Variants in MAP3K9 observed in about 807,000 individuals in gnomAD.
MAP3K9 encodes the protein mitogen-activated protein kinase kinase kinase 9.
MAP3K9 carries 46 observed loss-of-function variants against 95.8 expected under a neutral mutation model. The observed-to-expected ratio is 0.48, with a 90% CI of 0.38 to 0.61. The LOEUF (loss-of-function observed/expected upper bound fraction) is 0.61, where lower values mean the gene tolerates loss of function less well. Among genes scored for constraint, MAP3K9 ranks in the 20% least tolerant of loss-of-function variants. The pLI is 0.00. For synonymous variants in MAP3K9, 533 were observed against 593.8 expected, an observed-to-expected ratio of 0.90 and a Z score of 1.49; for missense variants, 1,296 against 1,474.3, an observed-to-expected ratio of 0.88 and a Z score of 1.98.
intron 2 of MAP3K9, among the ~76,000 whole-genome samples, chr14:70,772,927 G>A (rs2054550573): frequency 6.6e-6 from 1 of 152,082 alleles, no homozygotes; most frequent in South Asian, 2.1e-4. Context: ...ATTTCATTCA[G>A]CCCAGGCCTG....
intron 2 of MAP3K9, among the ~76,000 whole-genome samples, chr14:70,785,427 A>T (rs528486686): frequency 2.0e-5 from 3 of 152,332 alleles, no homozygotes; most frequent in African/African-American, 7.2e-5. Flanking sequence ...TAAGAGATTA[A>T]CACTAACAAT....
rs2054925263 is a variant in MAP3K9, at chr14:70,801,106, C to A, written c.407-26G>T. 12 of 1,586,224 alleles carry A rather than the reference C, an allele frequency of 7.6e-6. No homozygotes were observed. In the East Asian group the frequency reaches 2.5e-4, roughly 33 times the overall value. ...CTGAGAAAGGGAAGAAAAAAAGAAG[C>A]AAGTCAAAAACATCTTGAAAACATC... On this transcript the variant is annotated intron_variant, in intron 1 of 11. Coordinates refer to ENST00000554752, the MANE Select transcript of MAP3K9 (RefSeq NM_001284230.2).
At chr14:70,746,369 G>A (rs8011507) in intron 5 of MAP3K9, among the ~76,000 whole-genome samples, 132,928 of 152,254 alleles carry the variant, frequency 0.87, 58,101 homozygotes, top group Middle Eastern at 0.93. Context: ...AGGACCCTTA[G>A]ACATGTTGAA....
chr14:70,807,785 T>C (rs1047587262), intron 1 of MAP3K9, among the ~76,000 whole-genome samples: 1 of 152,028 alleles, frequency 6.6e-6, no homozygotes, highest in Non-Finnish European at 1.5e-5. Context: ...TGAAATAAAC[T>C]AGTATGATTA....
chr14:70,755,673 G>A (rs539756336), intron 3 of MAP3K9, among the ~76,000 whole-genome samples: 2 of 152,342 alleles, frequency 1.3e-5, no homozygotes, highest in South Asian at 4.1e-4. Flanking sequence ...GAGACCATTT[G>A]GAGCTACTTA....
intron 3 of MAP3K9, chr14:70,752,939 TG>T (rs2054250079): frequency 1.3e-5 from 2 of 152,380 alleles, no homozygotes; most frequent in South Asian, 4.1e-4. Context: ...TGCTCTTACC[TG>T]GCTTGTTTCT....
chr14:70,782,250 A>G (rs1566759654), intron 2 of MAP3K9, among the ~76,000 whole-genome samples: 1 of 152,224 alleles, frequency 6.6e-6, no homozygotes. Context: ...TGTTATGTAT[A>G]TAATAAATTG....
chr14:70,781,855 A>C (rs2054680856), intron 2 of MAP3K9, among the ~76,000 whole-genome samples: 1 of 152,178 alleles, frequency 6.6e-6, no homozygotes, highest in African/African-American at 2.4e-5. Flanking sequence ...ACTTAGAAAG[A>C]GGAGCTGTTT....
intron 11 of MAP3K9, among the ~76,000 whole-genome samples, chr14:70,731,936 T>C (rs2053909539): frequency 6.6e-6 from 1 of 151,594 alleles, no homozygotes; most frequent in Non-Finnish European, 1.5e-5. Context: ...AAAGAGTGTG[T>C]GTCCCCAGGT....
chr14:70,808,895 C>A lies in MAP3K9; in HGVS notation c.277G>T (p.Gly93Cys). 1 of 1,597,940 alleles carries A rather than the reference C, an allele frequency of 6.3e-7. No individual in the cohort carries two copies. Among genetic ancestry groups the A allele is most frequent in the Non-Finnish European group, 8.5e-7 (1 of 1,175,530 alleles). ...TGGTTCAGCTGCCCGGTCCACCAGC[C>A]CTCGTCGCCGGACACCTGCGAGTCC... ...SKDSQVSGDE[G>C]WWTGQLNQRV... The change falls in exon 1 of 12, where the codon GGC (glycine) becomes TGC (cysteine). Residue 93 changes from glycine to cysteine, a missense_variant. Coordinates refer to ENST00000554752, the MANE Select transcript of MAP3K9 (RefSeq NM_001284230.2).
chr14:70,803,291 T>C (rs1202909923), intron 1 of MAP3K9, among the ~76,000 whole-genome samples: 1 of 131,060 alleles, frequency 7.6e-6, no homozygotes. Flanking sequence ...AATGCAGGAA[T>C]GGACTAACAC....
chr14:70,761,049 G>C lies in MAP3K9; in HGVS notation c.954C>G (p.Pro318=). ...AAAACATGGAGGCCCGGATGACTTC[G>C]GGTGCCATCCAAGCATACGTCCCTG... The part of the protein sequence containing the change: ...SAAGTYAWMA[P]EVIRASMFSK... The change falls in exon 3 of 12, where the codon CCC becomes CCG. Residue 318 remains proline, a synonymous_variant. Coordinates refer to ENST00000554752, the MANE Select transcript of MAP3K9 (RefSeq NM_001284230.2). 6.2e-7 allele frequency: 1 copy of C among 1,613,830 alleles called. No homozygotes were observed. The highest frequency in any genetic ancestry group is 2.2e-5 in the East Asian group (1 of 44,880).
At chr14:70,752,340 C>T (rs1365111474) in intron 3 of MAP3K9, among the ~76,000 whole-genome samples, 2 of 152,190 alleles carry the variant, frequency 1.3e-5, no homozygotes, top group Admixed American at 1.3e-4. Context: ...GGACCTAGCC[C>T]AAGCTCTGGT....
At chr14:70,747,260 T>C (rs927399877) in intron 5 of MAP3K9, among the ~76,000 whole-genome samples, 12 of 152,192 alleles carry the variant, frequency 7.9e-5, no homozygotes, top group African/African-American at 2.4e-4. Flanking sequence ...GTGGAGATAA[T>C]TGAATCATGG....
At position 70,729,988 on chromosome 14, in the gene MAP3K9, C is replaced by A. The variant is rs112296367; in HGVS notation, c.*392G>T. On this transcript the variant is annotated 3_prime_UTR_variant, in exon 12 of 12. Transcript: ENST00000554752. Reference sequence around the variant, plus strand: ...ACACTGGTGTTTGGGAAGCTGAACTCGGGGCTGACAAAGGGACCCTATGAC... The same window carrying A: ...ACACTGGTGTTTGGGAAGCTGAACTAGGGGCTGACAAAGGGACCCTATGAC... 8 of 189,530 alleles carry A rather than the reference C, an allele frequency of 4.2e-5. No individual in the cohort carries two copies. The highest frequency in any genetic ancestry group is 1.9e-4 in the African/African-American group (8 of 42,794). 11.7% of individuals were successfully genotyped at this position (189,530 alleles called of 1,614,324 possible).
In MAP3K9 at chr14:70,742,371, T is replaced by C. The variant is rs1452334418; in HGVS notation, c.1547A>G (p.Asn516Ser). Residue 516 changes from asparagine (N) to serine (S), a missense_variant, in exon 6 of 12, where the codon AAC becomes AGC. Physicochemically the swap from Asn to Ser is conservative, Grantham distance 46. Around this residue, in one of 5 missense-constraint regions of MAP3K9, gnomAD observed 377 missense variants for 417.1 expected, o/e 0.90. Coordinates refer to ENST00000554752, the MANE Select transcript of MAP3K9 (RefSeq NM_001284230.2). Reference protein sequence around the residue: ...RKSRLKLKDGNRISLPSDFQH... With the variant: ...RKSRLKLKDGSRISLPSDFQH... Reference sequence around the variant, plus strand: ...CTGACCAGAAGGGAGGCTGATGCGGTTGCCATCCTTGAGCTTCAGCCGGCT... The same window carrying C: ...CTGACCAGAAGGGAGGCTGATGCGGCTGCCATCCTTGAGCTTCAGCCGGCT... The C allele has an allele frequency of 1.2e-6, 2 of 1,614,158 alleles. No homozygotes were observed. The highest frequency in any genetic ancestry group is 2.2e-5 in the East Asian group (1 of 44,882).
chr14:70,738,314 G>A lies in MAP3K9; in HGVS notation c.1775C>T (p.Pro592Leu). ...EEGEEEEKRA[P>L]KKKGRTWGPG... The stretch of plus-strand genomic sequence containing the variant: ...CCCCCACGTCCGTCCCTTCTTCTTT[G>A]GGGCCCTCTTCTCCTCCTCCTCCCC... Residue 592 changes from proline (P) to leucine (L), a missense_variant, in exon 8 of 12, where the codon CCA becomes CTA. Physicochemically the swap from Pro to Leu is moderately conservative, Grantham distance 98. Around this residue, in one of 5 missense-constraint regions of MAP3K9, gnomAD observed 377 missense variants for 417.1 expected, o/e 0.90. Coordinates refer to ENST00000554752, the MANE Select transcript of MAP3K9 (RefSeq NM_001284230.2). 6.2e-7 allele frequency: 1 copy of A among 1,613,930 alleles called. No homozygotes were observed. Among genetic ancestry groups the A allele is most frequent in the East Asian group, 2.2e-5 (1 of 44,870 alleles).
At chr14:70,803,395 C>T (rs1299461301) in intron 1 of MAP3K9, among the ~76,000 whole-genome samples, 2 of 93,252 alleles carry the variant, frequency 2.1e-5, no homozygotes, top group Non-Finnish European at 4.6e-5. Flanking sequence ...GAAACAAATA[C>T]AGAAAATAAT....
chr14:70,749,040 T>C (rs377552663), intron 4 of MAP3K9, 36 bp from the exon 5 acceptor site: 15 of 1,589,962 alleles, frequency 9.4e-6, no homozygotes, highest in African/African-American at 1.3e-5. Context: ...AAAGCATGAA[T>C]GGACAGAAGC....
Sources: allele counts gnomAD v4.1 joint callset (sites outside exome capture counted in the v4.1 genomes callset), GRCh38; gene constraint gnomAD v4.1.1; regional missense constraint gnomAD v4.1.1; transcripts MANE v1.5; gene names NCBI Gene and HGNC (gene_info 2026-07-23, HGNC 2026-07-21).